Variants in MECOM observed in about 807,000 individuals in gnomAD.
MECOM encodes MDS1 and EVI1 complex locus.
MECOM carries 13 observed loss-of-function variants against 116.3 expected under a neutral mutation model. The observed-to-expected ratio is 0.11, with a 90% CI of 0.07 to 0.18. The LOEUF (loss-of-function observed/expected upper bound fraction) is 0.18. Among genes scored for constraint, MECOM ranks in the 10% least tolerant of loss-of-function variants. MECOM has a pLI of 1.00. For synonymous variants in MECOM, 528 were observed against 535.2 expected (o/e 0.99, Z 0.19); for missense variants, 1,299 against 1,509.0 (o/e 0.86, Z 2.31).
At chr3:169,233,926 T>A (rs1462197640) in intron 2 of MECOM, among the ~76,000 whole-genome samples, 3 of 152,152 alleles carry the variant, frequency 2.0e-5, no homozygotes, top group Admixed American at 6.6e-5. Flanking sequence ...ATCAGTTTTT[T>A]AAATGAATTA....
Position 169,439,784 on chromosome 3 carries a change from CT to C in MECOM, c.38-58261del, listed in dbSNP as rs527820207. 2.0e-3 allele frequency among the ~76,000 whole-genome samples: 305 copies of C among 152,196 alleles called. 1 individual carries two copies. The highest frequency in any genetic ancestry group is 6.9e-3 in the African/African-American group (288 of 41,518). On this transcript the variant is annotated intron_variant, in intron 1 of 16. Transcript: ENST00000651503. ...TTGTCCACATTCCTTATATGAAAAA[CT>C]GCAAACCCAAAAGACACATCCACAA...
At chr3:169,512,618 T>G (rs1377515063) in intron 1 of MECOM, among the ~76,000 whole-genome samples, 3 of 152,238 alleles carry the variant, frequency 2.0e-5, no homozygotes, top group African/African-American at 7.2e-5. Context: ...TTGTCCAAAG[T>G]GCCTGCCACA....
intron 1 of MECOM, among the ~76,000 whole-genome samples, chr3:169,562,139 C>CAAAAAAAAAAAAAAAAAAAAAA (rs10714325): frequency 4.0e-5 from 1 of 25,282 alleles, no homozygotes; most frequent in African/African-American, 1.4e-4. Flanking sequence ...GAGCAATACT[C>CAAAAAAAAAAAAAAAAAAAAAA]AAAAAAAAAA....
intron 1 of MECOM, among the ~76,000 whole-genome samples, chr3:169,631,330 T>C (rs573462838): frequency 1.1e-4 from 16 of 152,322 alleles, no homozygotes; most frequent in African/African-American, 3.1e-4. Context: ...AGTCAGTATC[T>C]TTTGCTATAA....
chr3:169,444,041 C>T (rs186873351), intron 1 of MECOM, among the ~76,000 whole-genome samples: 54 of 152,328 alleles, frequency 3.5e-4, no homozygotes, highest in Non-Finnish European at 5.6e-4. Flanking sequence ...GCTCTTTCTT[C>T]GTACTGATAG....
In MECOM at chr3:169,483,991, C is replaced by T; in HGVS notation, c.38-102467G>A. 6 of 1,599,222 alleles carry T rather than the reference C, an allele frequency of 3.8e-6. No individual in the cohort carries two copies. The South Asian group carries it at 6.6e-5, about 18-fold the overall frequency. ...CAGGGTGGGTGCAATCAAGAGTGAA[C>T]TTCAGAACTTGCTTCTTTTTTTTGC... On this transcript the variant is annotated intron_variant, in intron 1 of 16. Transcript: ENST00000651503.
At chr3:169,305,899 A>G (rs1400905073) in intron 2 of MECOM, among the ~76,000 whole-genome samples, 4 of 151,980 alleles carry the variant, frequency 2.6e-5, no homozygotes, top group Non-Finnish European at 2.9e-5. Flanking sequence ...CCCTGTAACA[A>G]TGGCAGTTAT....
intron 2 of MECOM, among the ~76,000 whole-genome samples, chr3:169,192,054 T>C (rs73031254): frequency 0.036 from 5,460 of 152,096 alleles, 303 homozygotes; most frequent in African/African-American, 0.12. Context: ...TGGAAAAGCT[T>C]GATTTACTGG....
chr3:169,240,537 T>C (rs1257397055), intron 2 of MECOM, among the ~76,000 whole-genome samples: 1 of 152,222 alleles, frequency 6.6e-6, no homozygotes, highest in African/African-American at 2.4e-5. Context: ...ATTATTGCCT[T>C]AAAATGATGT....
intron 1 of MECOM, among the ~76,000 whole-genome samples, chr3:169,475,849 A>G (rs6444852): frequency 0.61 from 92,339 of 152,058 alleles, 29,288 homozygotes; most frequent in African/African-American, 0.81. Context: ...AGGAGCTAGC[A>G]TGGATGTCTC....
chr3:169,207,085 A>G (rs1317154178), intron 2 of MECOM, among the ~76,000 whole-genome samples: 1 of 152,218 alleles, frequency 6.6e-6, no homozygotes, highest in Middle Eastern at 3.2e-3. Flanking sequence ...CAAAAGCATT[A>G]TAAGATTATT....
rs1283890907 is a variant in MECOM at position 169,302,916 on chromosome 3, T to C, written c.375+78271A>G. On this transcript the variant is annotated intron_variant, in intron 2 of 16. Transcript: ENST00000651503. ...ACAAACTAGATTTTACTAAACCAGA[T>C]AAAAGATTAACAACAAAGAAAAATT... 2.0e-5 allele frequency among the ~76,000 whole-genome samples: 3 copies of C among 151,618 alleles called. No individual in the cohort carries two copies. In the East Asian group the frequency reaches 5.8e-4, roughly 29 times the overall value.
intron 2 of MECOM, among the ~76,000 whole-genome samples, chr3:169,354,885 T>C (rs1726993286): frequency 6.6e-6 from 1 of 151,774 alleles, no homozygotes; most frequent in African/African-American, 2.4e-5. Flanking sequence ...CCCCTTAGAG[T>C]GCCCACCTGT....
At chr3:169,330,906 A>C (rs187943704) in intron 2 of MECOM, among the ~76,000 whole-genome samples, 27 of 152,212 alleles carry the variant, frequency 1.8e-4, no homozygotes, top group African/African-American at 6.3e-4. Flanking sequence ...CTATATATAG[A>C]AATATATATG....
chr3:169,182,682 C>G (rs1559962045), intron 2 of MECOM, among the ~76,000 whole-genome samples: 2 of 152,234 alleles, frequency 1.3e-5, no homozygotes, highest in Non-Finnish European at 2.9e-5. Flanking sequence ...TCAAACAAGG[C>G]CCAGTTGGCT....
chr3:169,575,636 A>G (rs1405829722), intron 1 of MECOM, among the ~76,000 whole-genome samples: 1 of 152,182 alleles, frequency 6.6e-6, no homozygotes, highest in Non-Finnish European at 1.5e-5. Context: ...TTTTGGCACA[A>G]GGCAGAGAAC....
At position 169,382,857 on chromosome 3, in the gene MECOM, A is replaced by T. The variant is rs577754904; in HGVS notation, c.38-1333T>A. Among the ~76,000 whole-genome samples, 368 of 103,210 alleles carry T rather than the reference A, an allele frequency of 3.6e-3. 16 individuals are homozygous for T. Among genetic ancestry groups the T allele is most frequent in the South Asian group, 4.4e-3 (15 of 3,406 alleles). The allele number at this position is 103,210 out of a possible 152,430, so 67.7% of individuals were successfully genotyped here. On this transcript the variant is annotated intron_variant, in intron 1 of 16. Transcript: ENST00000651503. ...AGACTGAAAGCCCATCTCAAAAAAA[A>T]AAAAAAATAAAAAAAATAAAAAAAG...
At chr3:169,617,741 G>A (rs1312954932) in intron 1 of MECOM, among the ~76,000 whole-genome samples, 1 of 152,170 alleles carries the variant, frequency 6.6e-6, no homozygotes, top group East Asian at 1.9e-4. Context: ...AATGGGAGGG[G>A]CGGGATTATA....
intron 2 of MECOM, among the ~76,000 whole-genome samples, chr3:169,368,300 C>T (rs908268538): frequency 2.0e-5 from 3 of 151,970 alleles, no homozygotes; most frequent in African/African-American, 7.2e-5. Flanking sequence ...TTGCCTATAG[C>T]TGAAATAATT....
Sources: gnomAD v4.1 joint callset for allele counts (sites outside exome capture counted in the v4.1 genomes callset) on GRCh38, gnomAD v4.1.1 for gene constraint, MANE v1.5 for transcripts, NCBI Gene and HGNC (gene_info 2026-07-23, HGNC 2026-07-21) for gene names.